Variants in NUDT19 observed in about 807,000 individuals in gnomAD.
NUDT19 encodes nudix hydrolase 19.
NUDT19 carries 31 observed loss-of-function variants against 22.2 expected under a neutral mutation model. The ratio of observed to expected loss-of-function variants is 1.40; its 90% CI spans 1.05 to 1.89. The LOEUF (loss-of-function observed/expected upper bound fraction) is 1.89, where lower values mean the gene tolerates loss of function less well. Among genes scored for constraint, NUDT19 ranks in the 40% most tolerant of loss-of-function variants. The probability of loss-of-function intolerance (pLI) is 0.00; values close to 1 mark genes in which losing one functional copy is unlikely to be tolerated. For missense variants in NUDT19, 752 were observed against 514.2 expected (o/e 1.46, Z -4.47); for synonymous variants, 325 against 230.8 (o/e 1.41, Z -3.70).
chr19:32,708,414 G>A (rs1298163380), intron 1 of NUDT19, among the ~76,000 whole-genome samples: 3 of 149,404 alleles, frequency 2.0e-5, no homozygotes, highest in Non-Finnish European at 3.0e-5. Context: ...GTGACAGAGC[G>A]AGACTCCGTC....
At chr19:32,703,056 C>T (rs1968351918) in intron 1 of NUDT19, among the ~76,000 whole-genome samples, 1 of 152,042 alleles carries the variant, frequency 6.6e-6, no homozygotes, top group Non-Finnish European at 1.5e-5. Flanking sequence ...GGTTAGAGTG[C>T]AGTGGCATGA....
At chr19:32,706,541 G>A (rs971969894) in intron 1 of NUDT19, among the ~76,000 whole-genome samples, 2 of 152,142 alleles carry the variant, frequency 1.3e-5, no homozygotes, top group East Asian at 3.9e-4. Flanking sequence ...AAATTAGCCA[G>A]GTGTAGTGGC....
At chr19:32,706,333 A>G (rs1968386727) in intron 1 of NUDT19, among the ~76,000 whole-genome samples, 1 of 152,202 alleles carries the variant, frequency 6.6e-6, no homozygotes, top group East Asian at 1.9e-4. Flanking sequence ...AGAGAGAGAG[A>G]GAGACCACAT....
intron 1 of NUDT19, 132 bp downstream of exon 1, chr19:32,692,806 A>T (rs1470229844): frequency 1.6e-6 from 1 of 617,412 alleles, no homozygotes; most frequent in Non-Finnish European, 2.6e-6. Context: ...GAACGCTTAG[A>T]CGGGCTGGAA....
At chr19:32,696,007 C>T (rs944187331) in intron 1 of NUDT19, among the ~76,000 whole-genome samples, 5 of 152,182 alleles carry the variant, frequency 3.3e-5, no homozygotes, top group Non-Finnish European at 7.3e-5. Flanking sequence ...AATGAACTTC[C>T]ATCGGTATAT....
chr19:32,699,358 G>C (rs916297088), intron 1 of NUDT19, among the ~76,000 whole-genome samples: 1 of 152,166 alleles, frequency 6.6e-6, no homozygotes, highest in Non-Finnish European at 1.5e-5. Flanking sequence ...TCGCCTGTGC[G>C]ACGTGACTTT....
At position 32,712,207 on chromosome 19, in the gene NUDT19, T is replaced by A. The variant is rs148480559; in HGVS notation, c.*250T>A. 3,744 of 355,766 alleles carry A rather than the reference T, an allele frequency of 0.011. 111 individuals are homozygous for A. The highest frequency in any genetic ancestry group is 0.089 in the East Asian group (1,556 of 17,456). 22.0% of individuals were successfully genotyped at this position (355,766 alleles called of 1,614,324 possible). A position where few individuals can be genotyped will look rare whatever the true frequency, so the allele number is the denominator to read the frequency against. ...CTCCTGCCTCAGCCTCCCGAGTAGC[T>A]GGGACTACAGGCGCCCGCCACCATG... On this transcript the variant is annotated 3_prime_UTR_variant, in exon 3 of 3. Transcript: ENST00000397061.
intron 1 of NUDT19, among the ~76,000 whole-genome samples, chr19:32,700,994 C>A (rs1968328953): frequency 6.6e-6 from 1 of 150,922 alleles, no homozygotes; most frequent in African/African-American, 2.4e-5. Context: ...GAGCTATGAT[C>A]ACACCACTGC....
chr19:32,702,096 C>A (rs1367088122), intron 1 of NUDT19, among the ~76,000 whole-genome samples: 2 of 152,210 alleles, frequency 1.3e-5, no homozygotes, highest in East Asian at 3.9e-4. Flanking sequence ...GCCAGTCTGA[C>A]TGAGCATCAG....
chr19:32,707,673 T>C (rs1968400477), intron 1 of NUDT19, among the ~76,000 whole-genome samples: 1 of 148,294 alleles, frequency 6.7e-6, no homozygotes, highest in Non-Finnish European at 1.5e-5. Flanking sequence ...TGAAATGCCA[T>C]CTCTACTAAA....
In NUDT19 at chr19:32,696,844, A is replaced by C. The variant is rs141899046; in HGVS notation, c.714+4170A>C. On this transcript the variant is annotated intron_variant, in intron 1 of 2. Coordinates refer to ENST00000397061, the MANE Select transcript of NUDT19 (RefSeq NM_001105570.2). The stretch of plus-strand genomic sequence containing the variant: ...CACGCCAGTGTCCAGGAGGAAGTCA[A>C]TTTCCTGGCCCTCAATGGTTATACA... Among the ~76,000 whole-genome samples, 1,308 of 152,228 alleles carry C rather than the reference A, an allele frequency of 8.6e-3. 43 individuals are homozygous for C. The East Asian group carries it at 0.1, about 12-fold the overall frequency.
At chr19:32,703,220 C>T (rs1397799407) in intron 1 of NUDT19, among the ~76,000 whole-genome samples, 1 of 151,856 alleles carries the variant, frequency 6.6e-6, no homozygotes, top group African/African-American at 2.4e-5. Context: ...AGGCTGCTGT[C>T]GAACTCCCAA....
intron 1 of NUDT19, among the ~76,000 whole-genome samples, chr19:32,707,000 C>T (rs1410096249): frequency 6.6e-6 from 1 of 152,186 alleles, no homozygotes; most frequent in Non-Finnish European, 1.5e-5. Flanking sequence ...AGCAGTAACC[C>T]TGGCCATGGT....
At chr19:32,695,297 A>G (rs1968249787) in intron 1 of NUDT19, among the ~76,000 whole-genome samples, 1 of 152,072 alleles carries the variant, frequency 6.6e-6, no homozygotes, top group South Asian at 2.1e-4. Context: ...CTCCTGCCTC[A>G]GCCTCTGGAG....
chr19:32,704,280 T>C (rs1968365199), intron 1 of NUDT19, among the ~76,000 whole-genome samples: 1 of 151,738 alleles, frequency 6.6e-6, no homozygotes, highest in Non-Finnish European at 1.5e-5. Context: ...TTTTTTTTTT[T>C]AGACAGAGTC....
chr19:32,707,224 T>C (rs1247939207), intron 1 of NUDT19, among the ~76,000 whole-genome samples: 1 of 152,230 alleles, frequency 6.6e-6, no homozygotes, highest in Non-Finnish European at 1.5e-5. Context: ...TTCGTTGTTA[T>C]CACTGAACTC....
chr19:32,698,462 A>T (rs771661280), intron 1 of NUDT19, among the ~76,000 whole-genome samples: 7 of 152,132 alleles, frequency 4.6e-5, no homozygotes, highest in Non-Finnish European at 7.4e-5. Flanking sequence ...AGAACCTGCA[A>T]CGGTCCCTGG....
chr19:32,710,477 A>AGCT (rs1022111468), intron 2 of NUDT19, among the ~76,000 whole-genome samples: 2 of 151,178 alleles, frequency 1.3e-5, no homozygotes, highest in Non-Finnish European at 2.9e-5. Flanking sequence ...CTGTAATCCC[A>AGCT]GCTGCTCAGG....
At chr19:32,701,011 G>C (rs1016510182) in intron 1 of NUDT19, among the ~76,000 whole-genome samples, 6 of 151,054 alleles carry the variant, frequency 4.0e-5, no homozygotes, top group Non-Finnish European at 8.8e-5. Context: ...CTGCACTTCA[G>C]CCTGGACAAC....
Sources: gnomAD v4.1 joint callset for allele counts (sites outside exome capture counted in the v4.1 genomes callset) on GRCh38, gnomAD v4.1.1 for gene constraint, MANE v1.5 for transcripts, NCBI Gene and HGNC (gene_info 2026-07-23, HGNC 2026-07-21) for gene names.